The following EPHB2 variants were observed in gnomAD, a reference collection of about 807,000 sequenced individuals.
The protein encoded by EPHB2 is EPH receptor B2, also known as ephrin type-B receptor 2.
In EPHB2, 18 loss-of-function variants were observed where a neutral mutation model predicts 96.4. The observed-to-expected ratio is 0.19, with a 90% CI of 0.13 to 0.28. EPHB2 has a LOEUF of 0.28. Ranked by LOEUF, EPHB2 falls within the 10% of genes least tolerant of loss-of-function variation. The pLI is 1.00. For synonymous variants in EPHB2, 506 were observed against 534.1 expected, an observed-to-expected ratio of 0.95 and a Z score of 0.72; for missense variants, 989 against 1,355.4, an observed-to-expected ratio of 0.73 and a Z score of 4.25.
At position 22,830,254 on chromosome 1, in the gene EPHB2, G is replaced by A. The variant is rs546586807; in HGVS notation, c.812-32783G>A. Among the ~76,000 whole-genome samples, 28 of 152,288 alleles carry A rather than the reference G, an allele frequency of 1.8e-4. No homozygotes were observed. The South Asian group carries it at 5.0e-3, about 27-fold the overall frequency. Reference sequence around the variant, plus strand: ...TTGTCCCCAGAGGCTGGCATCAGACGCCATGCTCTGAGGAGAGGGGCGGTT... The same window carrying A: ...TTGTCCCCAGAGGCTGGCATCAGACACCATGCTCTGAGGAGAGGGGCGGTT... On this transcript the variant is annotated intron_variant, in intron 3 of 15. Coordinates refer to ENST00000374630, the MANE Select transcript of EPHB2 (RefSeq NM_017449.5).
intron 1 of EPHB2, among the ~76,000 whole-genome samples, chr1:22,752,534 A>AAAAAT (rs1183617754): frequency 6.7e-6 from 1 of 150,206 alleles, no homozygotes; most frequent in East Asian, 1.9e-4. Context: ...AAAATAATAC[A>AAAAAT]AAAATAAAAT....
chr1:22,728,950 G>C (rs1400084303), intron 1 of EPHB2, among the ~76,000 whole-genome samples: 1 of 152,224 alleles, frequency 6.6e-6, no homozygotes, highest in African/African-American at 2.4e-5. Flanking sequence ...GTCCCAAGGT[G>C]CGAGGTTCCA....
At chr1:22,716,181 A>C (rs1643291227) in intron 1 of EPHB2, among the ~76,000 whole-genome samples, 1 of 152,186 alleles carries the variant, frequency 6.6e-6, no homozygotes. Context: ...GTCCAGAGGG[A>C]CTGTCATCTG....
In EPHB2 at chr1:22,773,620, C is replaced by A. The variant is rs554187589; in HGVS notation, c.62-7801C>A. Among the ~76,000 whole-genome samples, 13 of 152,318 alleles carry A rather than the reference C, an allele frequency of 8.5e-5. No individual in the cohort carries two copies. The South Asian group carries it at 2.7e-3, about 32-fold the overall frequency. ...CTAGCCTAATTTCCTCTGCCAAGAC[C>A]ACTCTGTGACCCAGCGGTTCTCAGA... On this transcript the variant is annotated intron_variant, in intron 1 of 15. Transcript: ENST00000374630.
chr1:22,815,302 C>T (rs1032994978), intron 3 of EPHB2, among the ~76,000 whole-genome samples: 1 of 152,142 alleles, frequency 6.6e-6, no homozygotes, highest in Non-Finnish European at 1.5e-5. Flanking sequence ...GGTTTGAGTC[C>T]CAAAGTGCAG....
chr1:22,847,551 G>A (rs547372639), intron 3 of EPHB2, among the ~76,000 whole-genome samples: 1 of 152,320 alleles, frequency 6.6e-6, no homozygotes, highest in Admixed American at 6.5e-5. Context: ...TTGAAACGGG[G>A]GAGAGGGCCA....
intron 3 of EPHB2, among the ~76,000 whole-genome samples, chr1:22,808,051 T>C (rs1458683139): frequency 6.6e-6 from 1 of 152,030 alleles, no homozygotes; most frequent in African/African-American, 2.4e-5. Flanking sequence ...GGAGAATTGC[T>C]TGAGCCTGGG....
intron 3 of EPHB2, among the ~76,000 whole-genome samples, chr1:22,811,524 G>A (rs971444976): frequency 6.6e-6 from 1 of 152,164 alleles, no homozygotes; most frequent in African/African-American, 2.4e-5. Context: ...TAATTGCCTG[G>A]GCACTGGGGA....
chr1:22,896,535 G>GTGAC (rs1639570472), intron 9 of EPHB2, 57 bp downstream of exon 9: 4 of 1,609,610 alleles, frequency 2.5e-6, no homozygotes, highest in Middle Eastern at 3.3e-4. Context: ...CGGTTCCCCA[G>GTGAC]TGACCTCTTA....
Position 22,787,472 on chromosome 1 carries a change from A to G in EPHB2, c.811+2396A>G, listed in dbSNP as rs150799394. On this transcript the variant is annotated intron_variant, in intron 3 of 15. Coordinates refer to ENST00000374630, the MANE Select transcript of EPHB2 (RefSeq NM_017449.5). ...CTGCATAAAAAACAACCAACAGATC[A>G]GGTATGGTGGCTCATGCCTGTAATC... 4.7e-3 allele frequency among the ~76,000 whole-genome samples: 721 copies of G among 152,294 alleles called. 7 individuals carry two copies. Among genetic ancestry groups the G allele is most frequent in the African/African-American group, 0.016 (672 of 41,558 alleles).
Position 22,912,611 on chromosome 1 carries a change from G to A in EPHB2, c.2852+12G>A, listed in dbSNP as rs1481281614. 9 of 1,613,004 alleles carry A rather than the reference G, an allele frequency of 5.6e-6. No individual in the cohort carries two copies. In the East Asian group the frequency reaches 1.6e-4, roughly 28 times the overall value. ...CAGATGATGATGGAGTAAGTGCCCA[G>A]CCACTTCTGCTTGTCACCTTAGCAC... On this transcript the variant is annotated intron_variant, in intron 15 of 15. Coordinates refer to ENST00000374630, the MANE Select transcript of EPHB2 (RefSeq NM_017449.5).
At chr1:22,724,548 A>G (rs1328233591) in intron 1 of EPHB2, among the ~76,000 whole-genome samples, 1 of 152,228 alleles carries the variant, frequency 6.6e-6, no homozygotes, top group Non-Finnish European at 1.5e-5. Flanking sequence ...AGAGGAGGGA[A>G]GAAAGACTCA....
rs1639380903 is a variant in EPHB2 at position 22,891,322 on chromosome 1, A to G, written c.1429-1562A>G. The G allele has an allele frequency of 7.6e-6, 3 of 396,494 alleles. No individual in the cohort carries two copies. The Admixed American group carries it at 8.5e-5, about 11-fold the overall frequency. 24.6% of individuals were successfully genotyped at this position (396,494 alleles called of 1,614,324 possible). Reference sequence around the variant, plus strand: ...TTTCAAGGGCTCCGTGCACTCTGTGATGTGTGTGTGACTGGCATGTACAAC... The same window carrying G: ...TTTCAAGGGCTCCGTGCACTCTGTGGTGTGTGTGTGACTGGCATGTACAAC... On this transcript the variant is annotated intron_variant, in intron 6 of 15. Transcript: ENST00000374630.
rs1486498854 is a variant in EPHB2, at chr1:22,917,965, G to C, written c.*4395G>C. ...CCAACACAGTGAGGAGTTGTGTCTG[G>C]ATGGGCCAGTGGAACGGGGGAAGTG... On this transcript the variant is annotated 3_prime_UTR_variant, in exon 16 of 16. Transcript: ENST00000374630. 6.6e-6 allele frequency: 1 copy of C among 152,406 alleles called. No homozygotes were observed. The highest frequency in any genetic ancestry group is 1.5e-5 in the Non-Finnish European group (1 of 68,212). 9.4% of individuals were successfully genotyped at this position (152,406 alleles called of 1,614,324 possible).
intron 3 of EPHB2, among the ~76,000 whole-genome samples, chr1:22,853,355 A>G (rs531173265): frequency 6.6e-6 from 1 of 152,304 alleles, no homozygotes; most frequent in African/African-American, 2.4e-5. Flanking sequence ...TGAAGCCTCT[A>G]TCGATCACCT....
intron 3 of EPHB2, among the ~76,000 whole-genome samples, chr1:22,824,978 A>G (rs573510590): frequency 3.5e-4 from 54 of 152,310 alleles, no homozygotes; most frequent in African/African-American, 1.3e-3. Context: ...GGACTTGGGG[A>G]TGGGACACTT....
chr1:22,739,004 G>A (rs749630108), intron 1 of EPHB2, among the ~76,000 whole-genome samples: 10 of 152,248 alleles, frequency 6.6e-5, no homozygotes, highest in Middle Eastern at 6.8e-3. Flanking sequence ...GGTTGCTTTT[G>A]TAAATCTAAT....
At chr1:22,744,254 C>T (rs542414418) in intron 1 of EPHB2, among the ~76,000 whole-genome samples, 1 of 152,106 alleles carries the variant, frequency 6.6e-6, no homozygotes, top group East Asian at 1.9e-4. Flanking sequence ...AGTAATTCCA[C>T]TCCCTATTTA....
chr1:22,778,273 C>A (rs937379367), intron 1 of EPHB2, among the ~76,000 whole-genome samples: 3 of 151,842 alleles, frequency 2.0e-5, no homozygotes, highest in African/African-American at 2.4e-5. Flanking sequence ...TGATCTCCCC[C>A]CCTCAAAAGG....
Sources: gnomAD v4.1 joint callset for allele counts (sites outside exome capture counted in the v4.1 genomes callset) on GRCh38, gnomAD v4.1.1 for gene constraint, MANE v1.5 for transcripts, NCBI Gene and HGNC (gene_info 2026-07-23, HGNC 2026-07-21) for gene names.